Variants in NUTM2E observed in about 807,000 individuals in gnomAD.
NUTM2E encodes the protein family with sequence similarity 22, member E.
A neutral mutation model predicts 26.1 loss-of-function variants in NUTM2E; 3 were observed. The ratio of observed to expected loss-of-function variants is 0.12; its 90% confidence interval spans 0.05 to 0.30. NUTM2E has a LOEUF of 0.30. NUTM2E is among the 10% of genes least tolerant of loss of function. The probability of loss-of-function intolerance (pLI) is 1.00; values close to 1 mark genes in which losing one functional copy is unlikely to be tolerated. For missense variants in NUTM2E, 62 were observed against 381.3 expected (o/e 0.16, Z 6.97); for synonymous variants, 13 against 157.5 (o/e 0.08, Z 6.87).
Position 79,848,793 on chromosome 10 carries a change from G to A in NUTM2E, c.1632G>A (p.Glu544=), listed in dbSNP as rs1198159936. The A allele has an allele frequency of 1.9e-6, 1 of 540,136 alleles. No homozygotes were observed. Among genetic ancestry groups the A allele is most frequent in the South Asian group, 1.9e-5 (1 of 52,726 alleles). 33.5% of individuals were successfully genotyped at this position (540,136 alleles called of 1,614,324 possible). The stretch of plus-strand genomic sequence containing the variant: ...GGGAGCCCGAGAAACAACGGGAAGA[G>A]GGCAAAGTGAAGCAGCCACAGGAAG... ...ATGEPEKQRE[E]GKVKQPQEED... Residue 544 remains glutamate, a synonymous_variant, in exon 8 of 10, where the codon GAG becomes GAA. Coordinates refer to ENST00000429984, the MANE Select transcript of NUTM2E (RefSeq NM_001355263.2).
intron 1 of NUTM2E, among the ~76,000 whole-genome samples, chr10:79,834,841 CACAA>C (rs1268522595): frequency 6.0e-5 from 9 of 148,968 alleles, no homozygotes; most frequent in Admixed American, 4.0e-4. Flanking sequence ...CACACACACA[CACAA>C]ACACACAAAC....
intron 1 of NUTM2E, among the ~76,000 whole-genome samples, chr10:79,834,573 T>A (rs1028202593): frequency 6.7e-6 from 1 of 150,082 alleles, no homozygotes; most frequent in Non-Finnish European, 1.5e-5. Flanking sequence ...GAGGCTGAGG[T>A]AGGAGAGTCG....
At chr10:79,847,746 G>C (rs1482159382) in intron 6 of NUTM2E, among the ~76,000 whole-genome samples, 185 bp from the exon 7 acceptor site, 1 of 85,050 alleles carries the variant, frequency 1.2e-5, no homozygotes. Flanking sequence ...CAGGGGCCGG[G>C]TGAGGGAGGG....
At chr10:79,834,965 G>T (rs1204687586) in intron 1 of NUTM2E, among the ~76,000 whole-genome samples, 1 of 151,324 alleles carries the variant, frequency 6.6e-6, no homozygotes, top group Non-Finnish European at 1.5e-5. Context: ...TCTATTATCT[G>T]TCTCTTAATC....
chr10:79,835,996 A>C (rs1841960438), intron 1 of NUTM2E, among the ~76,000 whole-genome samples: 1 of 151,514 alleles, frequency 6.6e-6, no homozygotes. Flanking sequence ...GTCATTTCAA[A>C]TTTTGATATT....
chr10:79,842,906 CT>C (rs1297531590), intron 4 of NUTM2E, among the ~76,000 whole-genome samples: 2 of 66,694 alleles, frequency 3.0e-5, no homozygotes, highest in Non-Finnish European at 7.6e-5. Context: ...CTTTGTGTTA[CT>C]GTGGAGATGA....
At chr10:79,828,186 G>T (rs1204569487) in intron 1 of NUTM2E, among the ~76,000 whole-genome samples, 10 of 151,848 alleles carry the variant, frequency 6.6e-5, no homozygotes, top group African/African-American at 2.4e-4. Flanking sequence ...TATTGAAAAT[G>T]ATATAGGAAT....
chr10:79,829,523 A>G (rs1210528559), intron 1 of NUTM2E, among the ~76,000 whole-genome samples: 2 of 151,968 alleles, frequency 1.3e-5, no homozygotes, highest in East Asian at 3.9e-4. Flanking sequence ...TGGTAGCACT[A>G]CACTGAACTA....
At chr10:79,828,796 G>A (rs1209167186) in intron 1 of NUTM2E, among the ~76,000 whole-genome samples, 1 of 151,720 alleles carries the variant, frequency 6.6e-6, no homozygotes, top group African/African-American at 2.4e-5. Flanking sequence ...GTGTAATACA[G>A]TATGTTTCAT....
At chr10:79,845,548 G>A (rs1292066109) in intron 5 of NUTM2E, among the ~76,000 whole-genome samples, 2 of 107,494 alleles carry the variant, frequency 1.9e-5, no homozygotes, top group Non-Finnish European at 4.9e-5. Flanking sequence ...CAGCAGTTAC[G>A]ATTACTGTCC....
chr10:79,827,345 A>G lies in NUTM2E; in HGVS notation c.-2740A>G, dbSNP rs1464354560. The G allele has an allele frequency of 2.6e-5, 4 of 152,992 alleles. No homozygotes were observed. The highest frequency in any genetic ancestry group is 5.9e-5 in the Non-Finnish European group (4 of 67,986). 9.5% of individuals were successfully genotyped at this position (152,992 alleles called of 1,614,324 possible). A position where few individuals can be genotyped will look rare whatever the true frequency, so the allele number is the denominator to read the frequency against. ...AAAAAGAACATTACAACTTTTTTGAAAGAAATTTGGGGGTAAATTTAATTT... is the reference window on the plus strand; with the variant it reads ...AAAAAGAACATTACAACTTTTTTGAGAGAAATTTGGGGGTAAATTTAATTT... On this transcript the variant is annotated 5_prime_UTR_variant, in exon 1 of 10. Coordinates refer to ENST00000429984, the MANE Select transcript of NUTM2E (RefSeq NM_001355263.2).
At chr10:79,830,646 G>A (rs1437092723) in intron 1 of NUTM2E, among the ~76,000 whole-genome samples, 1 of 150,874 alleles carries the variant, frequency 6.6e-6, no homozygotes, top group South Asian at 2.1e-4. Context: ...CCTTTAAGCT[G>A]ACAATATATT....
intron 1 of NUTM2E, among the ~76,000 whole-genome samples, chr10:79,828,882 C>G (rs1413363464): frequency 6.6e-6 from 1 of 151,710 alleles, no homozygotes; most frequent in Non-Finnish European, 1.5e-5. Flanking sequence ...TTAGGAAGTT[C>G]TCAATTAAAA....
At position 79,840,416 on chromosome 10, in the gene NUTM2E, A is replaced by C. The variant is rs976809482; in HGVS notation, c.-1325A>C. Among the ~76,000 whole-genome samples, 10 of 146,650 alleles carry C rather than the reference A, an allele frequency of 6.8e-5. No homozygotes were observed. Among genetic ancestry groups the C allele is most frequent in the African/African-American group, 2.3e-4 (9 of 39,410 alleles). ...AAAAGGCCTGGGAGCACCCAGACAG[A>C]CAGTCACTGCATGGAGGTCACTCCC... is the stretch of plus-strand genomic sequence containing the variant. On this transcript the variant is annotated 5_prime_UTR_variant, in exon 4 of 10. Coordinates refer to ENST00000429984, the MANE Select transcript of NUTM2E (RefSeq NM_001355263.2).
At chr10:79,828,397 C>T (rs1841903755) in intron 1 of NUTM2E, among the ~76,000 whole-genome samples, 1 of 151,902 alleles carries the variant, frequency 6.6e-6, no homozygotes, top group African/African-American at 2.4e-5. Flanking sequence ...TAACAAGAAT[C>T]CACTGAAGAC....
chr10:79,835,089 AC>A (rs928902966), intron 1 of NUTM2E, among the ~76,000 whole-genome samples: 1 of 149,424 alleles, frequency 6.7e-6, no homozygotes, highest in African/African-American at 2.5e-5. Context: ...TGACAGAAAG[AC>A]TTTTATTTGC....
intron 1 of NUTM2E, among the ~76,000 whole-genome samples, chr10:79,834,440 C>T (rs1841947815): frequency 6.6e-6 from 1 of 151,554 alleles, no homozygotes; most frequent in South Asian, 2.1e-4. Flanking sequence ...GTGCCTCACA[C>T]CTATAATCCA....
intron 1 of NUTM2E, among the ~76,000 whole-genome samples, chr10:79,834,599 CAG>C (rs1207460867): frequency 1.3e-5 from 2 of 149,216 alleles, no homozygotes; most frequent in Non-Finnish European, 3.0e-5. Flanking sequence ...ACCCGGGAGA[CAG>C]AGGTTTCAGT....
chr10:79,832,540 T>C (rs1264654689), intron 1 of NUTM2E, among the ~76,000 whole-genome samples: 1 of 151,508 alleles, frequency 6.6e-6, no homozygotes, highest in East Asian at 1.9e-4. Context: ...ATTAGAATTA[T>C]AACTCACATA....
Sources: allele counts gnomAD v4.1 joint callset (sites outside exome capture counted in the v4.1 genomes callset), GRCh38; gene constraint gnomAD v4.1.1; transcripts MANE v1.5; gene names NCBI Gene and HGNC (gene_info 2026-07-23, HGNC 2026-07-21).